CCNT2: variants seen among roughly 807,000 people sequenced by gnomAD.
CCNT2 encodes the protein cyclin T2.
CCNT2 carries 18 observed loss-of-function variants against 70.0 expected under a neutral mutation model. The ratio of observed to expected loss-of-function variants is 0.26; its 90% CI spans 0.18 to 0.38. The LOEUF (loss-of-function observed/expected upper bound fraction) is 0.38. CCNT2 is among the 10% of genes least tolerant of loss of function. The pLI, the probability that CCNT2 is intolerant of heterozygous loss-of-function variation, is 1.00. For synonymous variants in CCNT2, 334 were observed against 313.3 expected (o/e 1.07, Z -0.70); for missense variants, 734 against 890.2 (o/e 0.82, Z 2.23).
At chr2:134,927,469 A>G (rs976819628) in intron 2 of CCNT2, among the ~76,000 whole-genome samples, 3 of 152,196 alleles carry the variant, frequency 2.0e-5, no homozygotes, top group African/African-American at 7.2e-5. Context: ...GAGTGAACCC[A>G]GTCCTGCAAG....
chr2:134,940,111 T>A (rs935007359), intron 4 of CCNT2, among the ~76,000 whole-genome samples: 8 of 152,246 alleles, frequency 5.3e-5, no homozygotes, highest in Non-Finnish European at 4.4e-5. Context: ...GTCATTTTTT[T>A]AATTTCATTA....
intron 4 of CCNT2, among the ~76,000 whole-genome samples, chr2:134,940,244 G>A (rs1023876514): frequency 6.6e-6 from 1 of 152,014 alleles, no homozygotes; most frequent in Non-Finnish European, 1.5e-5. Context: ...AAACAGCACG[G>A]GTTTGAACTC....
chr2:134,934,341 C>T (rs1269883771), intron 2 of CCNT2, among the ~76,000 whole-genome samples: 7 of 152,162 alleles, frequency 4.6e-5, no homozygotes, highest in South Asian at 2.1e-4. Context: ...AGCTGTACTC[C>T]TCCAATACTA....
At position 134,953,241 on chromosome 2, in the gene CCNT2, A is replaced by C; in HGVS notation, c.786A>C (p.Ala262=). The C allele has an allele frequency of 1.2e-6, 2 of 1,606,574 alleles. No homozygotes were observed. Among genetic ancestry groups the C allele is most frequent in the Non-Finnish European group, 1.7e-6 (2 of 1,173,802 alleles). The change falls in exon 9 of 9, where the codon GCA becomes GCC. Residue 262 remains alanine (A), a synonymous_variant. Coordinates refer to ENST00000264157, the MANE Select transcript of CCNT2 (RefSeq NM_058241.3). The stretch of plus-strand genomic sequence containing the variant: ...TTTTATTTTAATAGGCTAATCAGGC[A>C]GCTAGGAAACCAAAAGTAGATGGAC... ...KKIRNWRANQ[A]ARKPKVDGQV... is the part of the protein sequence containing the mutation.
chr2:134,918,868 G>A lies in CCNT2; in HGVS notation c.14G>A (p.Arg5His), dbSNP rs760626499. The A allele has an allele frequency of 1.2e-6, 2 of 1,613,538 alleles. No homozygotes were observed. Among genetic ancestry groups the A allele is most frequent in the South Asian group, 2.2e-5 (2 of 91,032 alleles). Reference sequence around the variant, plus strand: ...GGAGGAAGTGTCATGGCGTCGGGCCGTGGAGCTTCTTCTCGCTGGTTCTTT... The same window carrying A: ...GGAGGAAGTGTCATGGCGTCGGGCCATGGAGCTTCTTCTCGCTGGTTCTTT... MASG[R>H]GASSRWFFTR... is the part of the protein sequence containing the mutation. The change falls in exon 1 of 9, where the codon CGT becomes CAT. Residue 5 changes from arginine (R) to histidine (H), a missense_variant. Around this residue, in one of 3 missense-constraint regions of CCNT2, gnomAD observed 41 missense variants for 29.5 expected, o/e 1.39. Transcript: ENST00000264157.
At chr2:134,921,972 C>T (rs1679943059) in intron 2 of CCNT2, among the ~76,000 whole-genome samples, 1 of 152,088 alleles carries the variant, frequency 6.6e-6, no homozygotes, top group Non-Finnish European at 1.5e-5. Flanking sequence ...TCTTTTTTTA[C>T]CTTTGCTATT....
rs1201345318 is a variant in CCNT2, at chr2:134,954,379, G to T, written c.1924G>T (p.Gly642Cys). 6.2e-7 allele frequency: 1 copy of T among 1,614,022 alleles called. No individual in the cohort carries two copies. Among genetic ancestry groups the T allele is most frequent in the Admixed American group, 1.7e-5 (1 of 60,002 alleles). Residue 642 changes from glycine to cysteine, a missense_variant, in exon 9 of 9, where the codon GGT becomes TGT. Physicochemically the swap from Gly to Cys is radical, Grantham distance 159. Around this residue, in one of 3 missense-constraint regions of CCNT2, gnomAD observed 532 missense variants for 556.9 expected, o/e 0.96. Coordinates refer to ENST00000264157, the MANE Select transcript of CCNT2 (RefSeq NM_058241.3). ...SKMSKSSKSS[G>C]SSSSSSSSVK... ...AATGAGCAAAAGTTCCAAAAGTTCA[G>T]GTAGTTCATCTAGTTCTTCCTCCTC...
intron 2 of CCNT2, among the ~76,000 whole-genome samples, chr2:134,923,826 G>A (rs1288548499): frequency 6.6e-6 from 1 of 152,158 alleles, no homozygotes; most frequent in East Asian, 1.9e-4. Context: ...ATCCCAAACT[G>A]TAGTTCTCAC....
intron 2 of CCNT2, among the ~76,000 whole-genome samples, chr2:134,927,489 G>C (rs41457049): frequency 1.3e-5 from 2 of 152,006 alleles, no homozygotes; most frequent in Non-Finnish European, 2.9e-5. Context: ...GATCCAAGGC[G>C]CTTTCAAACC....
At chr2:134,924,341 AACC>A (rs1446781227) in intron 2 of CCNT2, among the ~76,000 whole-genome samples, 1 of 152,252 alleles carries the variant, frequency 6.6e-6, no homozygotes, top group African/African-American at 2.4e-5. Context: ...ATTATAAAAC[AACC>A]TTGTAATCAC....
intron 2 of CCNT2, among the ~76,000 whole-genome samples, chr2:134,932,861 C>T (rs940700397): frequency 6.6e-6 from 1 of 152,154 alleles, no homozygotes. Context: ...CTAAGACCTT[C>T]TTTCTATAAG....
At chr2:134,947,385 A>G (rs1003921403) in intron 6 of CCNT2, among the ~76,000 whole-genome samples, 2 of 152,324 alleles carry the variant, frequency 1.3e-5, no homozygotes, top group Non-Finnish European at 2.9e-5. Flanking sequence ...GACATTACAA[A>G]AGAAAAATAC....
At chr2:134,925,578 T>C (rs773857216) in intron 2 of CCNT2, among the ~76,000 whole-genome samples, 7 of 152,178 alleles carry the variant, frequency 4.6e-5, no homozygotes, top group Non-Finnish European at 4.4e-5. Flanking sequence ...CTCATCTATG[T>C]TGTTGTATTT....
intron 2 of CCNT2, among the ~76,000 whole-genome samples, chr2:134,928,951 A>G (rs1016523308): frequency 3.3e-5 from 5 of 152,208 alleles, no homozygotes; most frequent in African/African-American, 9.6e-5. Context: ...TTGTGTTGCT[A>G]TAGCTCCATG....
chr2:134,951,968 G>T (rs995531211), intron 7 of CCNT2, among the ~76,000 whole-genome samples: 2 of 152,132 alleles, frequency 1.3e-5, no homozygotes, highest in African/African-American at 4.8e-5. Context: ...ACACTTAGGA[G>T]AATAATGGTC....
At chr2:134,932,137 A>G (rs1680823865) in intron 2 of CCNT2, among the ~76,000 whole-genome samples, 1 of 151,812 alleles carries the variant, frequency 6.6e-6, no homozygotes, top group South Asian at 2.1e-4. Flanking sequence ...GGTGTGTGCC[A>G]CCATACCTGG....
At chr2:134,919,946 G>A in intron 2 of CCNT2, 55 bp downstream of exon 2, 2 of 1,269,100 alleles carry the variant, frequency 1.6e-6, no homozygotes, top group Non-Finnish European at 2.3e-6. Context: ...AAATCGATAC[G>A]CAGAAAAAAA....
At chr2:134,946,766 A>G (rs779913204) in intron 6 of CCNT2, among the ~76,000 whole-genome samples, 1 of 152,032 alleles carries the variant, frequency 6.6e-6, no homozygotes, top group Non-Finnish European at 1.5e-5. Context: ...CTGAACAGAT[A>G]ACATTTCCAT....
intron 2 of CCNT2, among the ~76,000 whole-genome samples, chr2:134,927,183 C>T (rs1384453729): frequency 6.6e-6 from 1 of 152,186 alleles, no homozygotes; most frequent in Non-Finnish European, 1.5e-5. Flanking sequence ...AGAACTTCCC[C>T]AGAAAGCTTT....
Sources: gnomAD v4.1 joint callset for allele counts (sites outside exome capture counted in the v4.1 genomes callset) on GRCh38, gnomAD v4.1.1 for gene constraint, gnomAD v4.1.1 regional missense constraint, MANE v1.5 for transcripts, NCBI Gene and HGNC (gene_info 2026-07-23, HGNC 2026-07-21) for gene names.